The following OPHN1 variants were observed in gnomAD, a reference collection of about 807,000 sequenced individuals.
OPHN1 encodes the protein oligophrenin 1.
A neutral mutation model predicts 60.7 loss-of-function variants in OPHN1; 11 were observed. The ratio of observed to expected loss-of-function variants is 0.18; its 90% CI spans 0.11 to 0.30. The LOEUF (loss-of-function observed/expected upper bound fraction) is 0.30. Ranked by LOEUF, OPHN1 falls within the 10% of genes least tolerant of loss-of-function variation. The probability of loss-of-function intolerance (pLI) is 1.00; values close to 1 mark genes in which losing one functional copy is unlikely to be tolerated. For synonymous variants in OPHN1, 226 were observed against 222.6 expected, an observed-to-expected ratio of 1.02 and a Z score of -0.14; for missense variants, 449 against 611.0, an observed-to-expected ratio of 0.73 and a Z score of 2.80.
chrX:68,155,989 A>G (rs1013514644), intron 15 of OPHN1, among the ~76,000 whole-genome samples: 9 of 111,841 alleles, frequency 8.0e-5, no homozygotes. Context: ...GAGTGTCCTT[A>G]TATGTCTAAA....
At chrX:68,401,201 C>T (rs2078712877) in intron 2 of OPHN1, among the ~76,000 whole-genome samples, 1 of 111,593 alleles carries the variant, frequency 9.0e-6, no homozygotes, top group Admixed American at 9.6e-5. Context: ...AGAACCAATC[C>T]CTCTCCAAAG....
chrX:68,417,159 G>A (rs1177076065), intron 2 of OPHN1, among the ~76,000 whole-genome samples: 1 of 110,836 alleles, frequency 9.0e-6, no homozygotes, highest in African/African-American at 3.3e-5. Flanking sequence ...GCAGTGGCGC[G>A]ATCTCGGCTC....
intron 2 of OPHN1, among the ~76,000 whole-genome samples, chrX:68,404,511 T>C (rs1602393495): frequency 9.0e-6 from 1 of 111,370 alleles, no homozygotes; most frequent in Admixed American, 9.6e-5. Context: ...TCTGGGTACA[T>C]ACCCAAAGGA....
At chrX:68,215,722 T>C (rs897634213) in intron 6 of OPHN1, among the ~76,000 whole-genome samples, 1 of 111,360 alleles carries the variant, frequency 9.0e-6, no homozygotes, top group African/African-American at 3.2e-5. Context: ...TATAAAATAT[T>C]TGAAGGTGTT....
At chrX:68,104,391 A>G (rs757835523) in intron 18 of OPHN1, among the ~76,000 whole-genome samples, 1 of 112,032 alleles carries the variant, frequency 8.9e-6, no homozygotes, top group East Asian at 2.8e-4. Context: ...AGCTGGAGGC[A>G]TCATGCTACC....
At chrX:68,069,825 T>C (rs1229306555) in intron 20 of OPHN1, among the ~76,000 whole-genome samples, 1 of 110,843 alleles carries the variant, frequency 9.0e-6, no homozygotes, top group Non-Finnish European at 1.9e-5. Flanking sequence ...GGAGGAAGAA[T>C]GTTTAGGGCC....
At chrX:68,315,083 C>T (rs2078193159) in intron 2 of OPHN1, among the ~76,000 whole-genome samples, 1 of 109,261 alleles carries the variant, frequency 9.2e-6, no homozygotes, top group Non-Finnish European at 1.9e-5. Flanking sequence ...CTGTCATGGT[C>T]ACGTGCATCT....
intron 5 of OPHN1, among the ~76,000 whole-genome samples, chrX:68,244,894 T>C (rs1335520621): frequency 2.7e-5 from 3 of 111,497 alleles, no homozygotes; most frequent in Non-Finnish European, 5.6e-5. Flanking sequence ...CACAAGCTAA[T>C]AGAAGTAAAA....
intron 18 of OPHN1, among the ~76,000 whole-genome samples, chrX:68,098,823 T>C (rs1390588415): frequency 1.8e-5 from 2 of 111,629 alleles, no homozygotes; most frequent in Non-Finnish European, 3.8e-5. Context: ...GGAACTGATC[T>C]TTGTTCAGTG....
intron 21 of OPHN1, among the ~76,000 whole-genome samples, chrX:68,058,206 C>T (rs375836262): frequency 3.6e-5 from 4 of 109,788 alleles, no homozygotes; most frequent in East Asian, 2.9e-4. Flanking sequence ...CTAAATTGAA[C>T]GGTATTCAAT....
intron 5 of OPHN1, among the ~76,000 whole-genome samples, chrX:68,247,422 A>G (rs768836034): frequency 8.9e-6 from 1 of 111,832 alleles, no homozygotes; most frequent in East Asian, 2.8e-4. Context: ...AAATATAGTA[A>G]CTAAGCTTGT....
At chrX:68,356,374 G>A (rs973123174) in intron 2 of OPHN1, among the ~76,000 whole-genome samples, 6 of 110,011 alleles carry the variant, frequency 5.5e-5, no homozygotes, top group African/African-American at 2.0e-4. Flanking sequence ...TAGGTATTTG[G>A]ACTTGCCAAG....
intron 5 of OPHN1, among the ~76,000 whole-genome samples, chrX:68,272,374 A>G (rs1233803845): frequency 8.9e-6 from 1 of 112,340 alleles, no homozygotes; most frequent in Admixed American, 9.4e-5. Flanking sequence ...TGCTGTGAGA[A>G]TTAAGGAAGA....
intron 6 of OPHN1, among the ~76,000 whole-genome samples, chrX:68,232,632 C>T (rs2077733859): frequency 9.0e-6 from 1 of 111,530 alleles, no homozygotes; most frequent in African/African-American, 3.3e-5. Context: ...AGGCTTGGCA[C>T]AGTCAGCCAT....
chrX:68,432,761 T>C lies in OPHN1; in HGVS notation c.154+106A>G, dbSNP rs377339894. 1.2e-5 allele frequency: 11 copies of C among 921,116 alleles called. No homozygotes were observed. The East Asian group carries it at 1.9e-4, about 16-fold the overall frequency. 75.9% of individuals were successfully genotyped at this position (921,116 alleles called of 1,213,427 possible). On this transcript the variant is annotated intron_variant, in intron 2 of 24. Transcript: ENST00000355520. ...GGGAAACCCATTTGCCTCAGAGATC[T>C]GGGCTGGGAGTCACCCTGCAATCTC... is the stretch of plus-strand genomic sequence containing the variant.
intron 15 of OPHN1, among the ~76,000 whole-genome samples, chrX:68,154,194 C>T (rs1296662595): frequency 8.9e-6 from 1 of 112,343 alleles, no homozygotes; most frequent in Non-Finnish European, 1.9e-5. Context: ...CTCACTATAA[C>T]TCTATGACAT....
intron 19 of OPHN1, among the ~76,000 whole-genome samples, chrX:68,074,397 G>A (rs1283887803): frequency 1.8e-5 from 2 of 111,680 alleles, no homozygotes; most frequent in South Asian, 3.8e-4. Context: ...GAGGCCATAC[G>A]GTTCTAGGTC....
At chrX:68,352,138 G>A (rs1309567145) in intron 2 of OPHN1, among the ~76,000 whole-genome samples, 1 of 109,788 alleles carries the variant, frequency 9.1e-6, no homozygotes, top group African/African-American at 3.3e-5. Flanking sequence ...CTCTGAAAGT[G>A]CTGGGATTAC....
intron 12 of OPHN1, 70 bp downstream of exon 12, chrX:68,197,116 C>T (rs1275963882): frequency 1.3e-6 from 1 of 757,682 alleles, no homozygotes; most frequent in African/African-American, 2.1e-5. Context: ...CTGAGACCCA[C>T]TGATACCACT....
Sources: gnomAD v4.1 joint callset for allele counts (sites outside exome capture counted in the v4.1 genomes callset) on GRCh38, gnomAD v4.1.1 for gene constraint, MANE v1.5 for transcripts, NCBI Gene and HGNC (gene_info 2026-07-23, HGNC 2026-07-21) for gene names.